ATF6: variants seen among roughly 807,000 people sequenced by gnomAD.
ATF6 encodes the protein activating transcription factor 6, also known as cyclic AMP-dependent transcription factor ATF-6 alpha.
ATF6 carries 53 observed loss-of-function variants against 83.6 expected under a neutral mutation model. The ratio of observed to expected loss-of-function variants is 0.63; its 90% confidence interval spans 0.51 to 0.80. The LOEUF (loss-of-function observed/expected upper bound fraction) is 0.80, where lower values mean the gene tolerates loss of function less well. Among genes scored for constraint, ATF6 ranks in the 30% least tolerant of loss-of-function variants. The probability of loss-of-function intolerance (pLI) is 0.00; values close to 1 mark genes in which losing one functional copy is unlikely to be tolerated. For synonymous variants in ATF6, 288 were observed against 285.8 expected (o/e 1.01, Z -0.08); for missense variants, 744 against 797.9 (o/e 0.93, Z 0.81).
At chr1:161,804,388 A>C (rs1451530091) in intron 7 of ATF6, among the ~76,000 whole-genome samples, 2 of 152,154 alleles carry the variant, frequency 1.3e-5, no homozygotes, top group Non-Finnish European at 2.9e-5. Flanking sequence ...CAAACATGGA[A>C]AAGTCCAGAA....
intron 11 of ATF6, among the ~76,000 whole-genome samples, chr1:161,852,805 A>G (rs1463860599): frequency 1.3e-5 from 2 of 152,166 alleles, no homozygotes; most frequent in East Asian, 3.9e-4. Flanking sequence ...TTCTGTAGAG[A>G]CAGGGTCTCA....
chr1:161,914,294 A>T (rs1004283344), intron 15 of ATF6, among the ~76,000 whole-genome samples: 1 of 152,158 alleles, frequency 6.6e-6, no homozygotes, highest in African/African-American at 2.4e-5. Context: ...GCAGCAGGGC[A>T]GGTGGTATCC....
chr1:161,922,622 T>C (rs1688234192), intron 15 of ATF6, among the ~76,000 whole-genome samples: 1 of 151,830 alleles, frequency 6.6e-6, no homozygotes. Context: ...AATGAGGGGA[T>C]AACAGTTAAA....
At chr1:161,830,051 A>G (rs566103649) in intron 9 of ATF6, among the ~76,000 whole-genome samples, 33 of 152,356 alleles carry the variant, frequency 2.2e-4, no homozygotes, top group African/African-American at 7.2e-4. Flanking sequence ...AGAAAACCCC[A>G]TTATCTTAGC....
chr1:161,814,208 G>A (rs763516440), intron 7 of ATF6, among the ~76,000 whole-genome samples: 38 of 152,292 alleles, frequency 2.5e-4, no homozygotes, highest in African/African-American at 7.9e-4. Flanking sequence ...CTGAAGACAC[G>A]TGAAGCAGTG....
chr1:161,783,933 ATTTTATTATAAGT>A (rs1283823573), intron 3 of ATF6, 44 bp from the exon 4 acceptor site: 2 of 1,238,802 alleles, frequency 1.6e-6, no homozygotes, highest in Non-Finnish European at 2.3e-6. Flanking sequence ...TTTCTTGTTC[ATTTTATTATAAGT>A]TTTTATTGTC....
At position 161,918,811 on chromosome 1, in the gene ATF6, G is replaced by T. The variant is rs868190397; in HGVS notation, c.1804+6431G>T. ...TAAAATTTTGGAGAGGGTGGCAAAG[G>T]ATAGAAAGTGAAGACAGAAATTCAG... On this transcript the variant is annotated intron_variant, in intron 15 of 15. Transcript: ENST00000367942. Among the ~76,000 whole-genome samples, 5 of 152,306 alleles carry T rather than the reference G, an allele frequency of 3.3e-5. 2 individuals carry two copies. In the Middle Eastern group the frequency reaches 0.017, roughly 518 times the overall value.
chr1:161,768,619 G>A (rs1260504452), intron 1 of ATF6, among the ~76,000 whole-genome samples: 1 of 151,986 alleles, frequency 6.6e-6, no homozygotes, highest in African/African-American at 2.4e-5. Flanking sequence ...GCTGGAGTGC[G>A]GTGATGCAAT....
At chr1:161,920,294 C>CTCTTTTTTTTTTGTTT (rs1157916734) in intron 15 of ATF6, among the ~76,000 whole-genome samples, 1 of 54,846 alleles carries the variant, frequency 1.8e-5, no homozygotes, top group Non-Finnish European at 3.3e-5. Context: ...CTCTCTCTCT[C>CTCTTTTTTTTTTGTTT]TTTTTTTTTT....
rs763523681 is a variant in ATF6 at position 161,950,938 on chromosome 1, G to A, written c.1805-7508G>A. Among the ~76,000 whole-genome samples the A allele has an allele frequency of 2.0e-5, 3 of 152,132 alleles. No homozygotes were observed. The East Asian group carries it at 5.8e-4, about 29-fold the overall frequency. On this transcript the variant is annotated intron_variant, in intron 15 of 15. Coordinates refer to ENST00000367942, the MANE Select transcript of ATF6 (RefSeq NM_007348.4). ...ATATTCTTTTCTATGATCTAATGAA[G>A]AAACCTCCCACAGTTGTGGGCAGCA...
intron 14 of ATF6, among the ~76,000 whole-genome samples, chr1:161,902,657 AGTTTACATTATAAATC>A (rs1303584475): frequency 6.6e-6 from 1 of 152,228 alleles, no homozygotes; most frequent in Non-Finnish European, 1.5e-5. Flanking sequence ...TCCTTTAGCT[AGTTTACATTATAAATC>A]GTTTGTGGTT....
chr1:161,922,610 G>A lies in ATF6; in HGVS notation c.1804+10230G>A, dbSNP rs113284800. On this transcript the variant is annotated intron_variant, in intron 15 of 15. Coordinates refer to ENST00000367942, the MANE Select transcript of ATF6 (RefSeq NM_007348.4). ...GGGTAGAGAAGACCTTTTTGATTGG[G>A]TAATGAGGGGATAACAGTTAAACCA... 8.0e-3 allele frequency among the ~76,000 whole-genome samples: 1,212 copies of A among 152,000 alleles called. 22 individuals carry two copies. The highest frequency in any genetic ancestry group is 0.028 in the African/African-American group (1,174 of 41,422).
rs1350068348 is a variant in ATF6, at chr1:161,958,724, T to C, written c.*70T>C. On this transcript the variant is annotated 3_prime_UTR_variant, in exon 16 of 16. Transcript: ENST00000367942. ...ACTGAAGAGCAGGTGAGCAAAATGC[T>C]GCTTTCTGCCTTGGTGGCAGGCAGA... The C allele has an allele frequency of 1.4e-5, 18 of 1,328,816 alleles. No individual in the cohort carries two copies. The highest frequency in any genetic ancestry group is 1.8e-5 in the Non-Finnish European group (18 of 975,866). The allele number at this position is 1,328,816 out of a possible 1,614,324, so 82.3% of individuals were successfully genotyped here. A position where few individuals can be genotyped will look rare whatever the true frequency, so the allele number is the denominator to read the frequency against.
At chr1:161,835,431 G>A (rs930059875) in intron 9 of ATF6, among the ~76,000 whole-genome samples, 1 of 152,050 alleles carries the variant, frequency 6.6e-6, no homozygotes, top group Non-Finnish European at 1.5e-5. Flanking sequence ...TAGGTCAAAG[G>A]CATTTGTTTG....
chr1:161,919,740 G>A (rs1368274483), intron 15 of ATF6, among the ~76,000 whole-genome samples: 1 of 152,120 alleles, frequency 6.6e-6, no homozygotes, highest in African/African-American at 2.4e-5. Context: ...CTTGAATTAA[G>A]GGCCCACGTA....
intron 14 of ATF6, among the ~76,000 whole-genome samples, chr1:161,909,474 G>A (rs552338716): frequency 2.1e-3 from 322 of 151,732 alleles, no homozygotes; most frequent in African/African-American, 7.5e-3. Flanking sequence ...CACAAGTCCT[G>A]TTGCTATTTT....
intron 3 of ATF6, among the ~76,000 whole-genome samples, chr1:161,782,239 G>T (rs1311021749): frequency 1.3e-5 from 2 of 152,200 alleles, no homozygotes; most frequent in Non-Finnish European, 2.9e-5. Context: ...ATCAGAAATA[G>T]AAATAGTGAT....
At chr1:161,782,174 G>T (rs1388023479) in intron 3 of ATF6, among the ~76,000 whole-genome samples, 175 bp downstream of exon 3, 1 of 152,166 alleles carries the variant, frequency 6.6e-6, no homozygotes, top group Non-Finnish European at 1.5e-5. Context: ...TGCCAAAAAT[G>T]GATATGAGGA....
At chr1:161,944,127 C>T (rs1688703873) in intron 15 of ATF6, among the ~76,000 whole-genome samples, 1 of 152,178 alleles carries the variant, frequency 6.6e-6, no homozygotes, top group Non-Finnish European at 1.5e-5. Flanking sequence ...TCTTCTGATC[C>T]ACATGCAGTT....
Sources: allele counts gnomAD v4.1 joint callset (sites outside exome capture counted in the v4.1 genomes callset), GRCh38; gene constraint gnomAD v4.1.1; transcripts MANE v1.5; gene names NCBI Gene and HGNC (gene_info 2026-07-23, HGNC 2026-07-21).